The following IAH1 variants were observed in gnomAD, a reference collection of about 807,000 sequenced individuals.
IAH1 encodes isoamyl acetate-hydrolyzing esterase 1 homolog.
A neutral mutation model predicts 26.7 loss-of-function variants in IAH1; 24 were observed. The ratio of observed to expected loss-of-function variants is 0.90; its 90% confidence interval spans 0.65 to 1.26. IAH1 has a LOEUF of 1.26. Among genes scored for constraint, IAH1 ranks in the 50% most tolerant of loss-of-function variants. The pLI, the probability that IAH1 is intolerant of heterozygous loss-of-function variation, is 0.00. For missense variants in IAH1, 300 were observed against 299.9 expected (o/e 1.00, Z 0.00); for synonymous variants, 140 against 118.5 (o/e 1.18, Z -1.18).
downstream of IAH1, chr2:9,494,593 T>C: frequency 6.2e-7 from 1 of 1,603,542 alleles, no homozygotes. Flanking sequence ...AAATAAAAAC[T>C]TCCTATCTGG....
chr2:9,474,885 G>A lies in IAH1; in HGVS notation c.81+238G>A. On this transcript the variant is annotated intron_variant, in intron 1 of 5. Coordinates refer to ENST00000497473, the MANE Select transcript of IAH1 (RefSeq NM_001039613.3). This position sits in a 1 kb window ranked among gnomAD's most constrained non-coding sequence, Gnocchi z 4.3. Reference sequence around the variant, plus strand: ...GAGCCCGGGCTCCAGGCACAGACGCGAGGGGACCCGGCCGCGCTGCCCGCC... The same window carrying A: ...GAGCCCGGGCTCCAGGCACAGACGCAAGGGGACCCGGCCGCGCTGCCCGCC... 2 of 553,648 alleles carry A rather than the reference G, an allele frequency of 3.6e-6. No homozygotes were observed. Among genetic ancestry groups the A allele is most frequent in the Non-Finnish European group, 5.2e-6 (2 of 384,290 alleles). The allele number at this position is 553,648 out of a possible 1,614,324, so 34.3% of individuals were successfully genotyped here.
downstream of IAH1, chr2:9,490,639 A>C (rs1662056215): frequency 1.8e-6 from 2 of 1,087,984 alleles, no homozygotes; most frequent in Non-Finnish European, 2.6e-6. Flanking sequence ...CTAAGAAAAA[A>C]GTGCTAGGTG....
chr2:9,493,976 G>A, downstream of IAH1: 1 of 605,220 alleles, frequency 1.7e-6, no homozygotes, highest in Non-Finnish European at 2.9e-6. Flanking sequence ...TCCGCGTAAT[G>A]AGTACCCAAG....
the IAH1 span, among the ~76,000 whole-genome samples, chr2:9,507,835 C>T: frequency 1.3e-5 from 2 of 152,166 alleles, no homozygotes; most frequent in African/African-American, 2.4e-5. Flanking sequence ...ACCTTAGCCT[C>T]CTGAGTAGCT....
Position 9,488,462 on chromosome 2 carries a change from A to G in IAH1, c.*133A>G, listed in dbSNP as rs1056460842. 2.4e-5 allele frequency: 16 copies of G among 662,128 alleles called. No individual in the cohort carries two copies. Among genetic ancestry groups the G allele is most frequent in the Non-Finnish European group, 3.6e-5 (15 of 419,404 alleles). 41.0% of individuals were successfully genotyped at this position (662,128 alleles called of 1,614,324 possible). On this transcript the variant is annotated 3_prime_UTR_variant, in exon 6 of 6. Coordinates refer to ENST00000497473, the MANE Select transcript of IAH1 (RefSeq NM_001039613.3). The stretch of plus-strand genomic sequence containing the variant: ...TAATAAAAGTATTAGATGATTTTTC[A>G]GGGAAGTTTTATACTTAGGTCCATT...
intron 5 of IAH1, among the ~76,000 whole-genome samples, chr2:9,487,811 TGTGTGTGTGTGTGTGTGTGTGTGCGC>T (rs1226736836): frequency 1.1e-5 from 1 of 93,460 alleles, no homozygotes; most frequent in Non-Finnish European, 2.5e-5. Context: ...TGTGTGTGTG[TGTGTGTGTGTGTGTGTGTGTGTGCGC>T]GCGCGCGCGC....
At chr2:9,487,811 T>C (rs950996116) in intron 5 of IAH1, among the ~76,000 whole-genome samples, 22 of 93,524 alleles carry the variant, frequency 2.4e-4, no homozygotes, top group East Asian at 6.1e-4. Flanking sequence ...TGTGTGTGTG[T>C]GTGTGTGTGT....
downstream of IAH1, among the ~76,000 whole-genome samples, chr2:9,499,509 C>A (rs538799498): frequency 2.6e-5 from 4 of 152,206 alleles, no homozygotes; most frequent in Non-Finnish European, 4.4e-5. Flanking sequence ...TCACGCCATT[C>A]TCCTGCCTCA....
chr2:9,507,022 C>A, the IAH1 span: 1 of 152,196 alleles, frequency 6.6e-6, no homozygotes, highest in Non-Finnish European at 1.5e-5. Context: ...AAAGGTCCTA[C>A]ATTCCTTTTC....
downstream of IAH1, chr2:9,489,749 ACTATT>A: frequency 7.5e-6 from 1 of 132,822 alleles, no homozygotes; most frequent in Admixed American, 7.6e-5. Context: ...AAAAAAAAAA[ACTATT>A]CCAGTTGTCA....
chr2:9,475,308 C>A, intron 1 of IAH1: 1 of 760,422 alleles, frequency 1.3e-6, no homozygotes, highest in Non-Finnish European at 2.0e-6. Flanking sequence ...TGTGTATACG[C>A]CAGTAACTGG....
intron 2 of IAH1, 53 bp from the exon 3 acceptor site, chr2:9,478,169 G>C: frequency 6.6e-7 from 1 of 1,519,458 alleles, no homozygotes; most frequent in Non-Finnish European, 8.9e-7. Flanking sequence ...CGGTTACTGC[G>C]ACCATAAACA....
At chr2:9,485,983 G>C (rs111551560) in intron 5 of IAH1, 1 of 152,306 alleles carries the variant, frequency 6.6e-6, no homozygotes, top group Non-Finnish European at 1.5e-5. Context: ...AGCCTCACCG[G>C]TTTCCTCTAT....
At chr2:9,482,066 C>A (rs1039215068) in intron 4 of IAH1, among the ~76,000 whole-genome samples, 2 of 139,594 alleles carry the variant, frequency 1.4e-5, no homozygotes, top group Non-Finnish European at 1.5e-5. Flanking sequence ...GAGTCTGGCT[C>A]TGTCAGCCAG....
At chr2:9,484,410 C>A in intron 4 of IAH1, 22 bp from the exon 5 acceptor site, 1 of 1,583,978 alleles carries the variant, frequency 6.3e-7, no homozygotes, top group South Asian at 1.1e-5. Context: ...CAACTGCCAC[C>A]TCTATTTCTT....
chr2:9,508,130 A>G, the IAH1 span, among the ~76,000 whole-genome samples: 9 of 152,226 alleles, frequency 5.9e-5, no homozygotes, highest in African/African-American at 1.9e-4. Flanking sequence ...AAGTTCTGAC[A>G]CTATCCTCAT....
chr2:9,490,565 C>A (rs757617504), downstream of IAH1: 2 of 1,533,084 alleles, frequency 1.3e-6, no homozygotes, highest in South Asian at 2.5e-5. Context: ...AAAGATGAAT[C>A]GGAGGTCCTC....
the IAH1 span, chr2:9,512,330 A>C: frequency 6.6e-6 from 1 of 152,162 alleles, no homozygotes; most frequent in Non-Finnish European, 1.5e-5. Context: ...AAAGTTCTGG[A>C]AGACCAAAGA....
downstream of IAH1, chr2:9,490,236 C>T (rs761391373): frequency 2.5e-6 from 4 of 1,609,870 alleles, no homozygotes; most frequent in Non-Finnish European, 2.6e-6. Flanking sequence ...AAGGAGGCAG[C>T]CTTTTCACTT....
Sources: allele counts gnomAD v4.1 joint callset (sites outside exome capture counted in the v4.1 genomes callset), GRCh38; gene constraint gnomAD v4.1.1; non-coding constraint Gnocchi (gnomAD v3.1); transcripts MANE v1.5; gene names NCBI Gene and HGNC (gene_info 2026-07-23, HGNC 2026-07-21).